The following BCAR1 variants were observed in gnomAD, a reference collection of about 807,000 sequenced individuals.
The protein encoded by BCAR1 is BCAR1 scaffold protein, Cas family member.
A neutral mutation model predicts 67.6 loss-of-function variants in BCAR1; 30 were observed. The ratio of observed to expected loss-of-function variants is 0.44; its 90% CI spans 0.33 to 0.60. The LOEUF (loss-of-function observed/expected upper bound fraction) is 0.60, where lower values mean the gene tolerates loss of function less well. BCAR1 is among the 20% of genes least tolerant of loss of function. The pLI is 0.02. For synonymous variants in BCAR1, 626 were observed against 556.7 expected (o/e 1.12, Z -1.75); for missense variants, 1,313 against 1,222.3 (o/e 1.07, Z -1.11).
intron 1 of BCAR1, 97 bp from the exon 2 acceptor site, chr16:75,243,187 T>G: frequency 1.6e-6 from 2 of 1,284,978 alleles, no homozygotes; most frequent in Non-Finnish European, 2.2e-6. Context: ...TGCCCAGCTT[T>G]GATACTAGGA....
At chr16:75,238,997 G>T (rs1197948744) in intron 2 of BCAR1, 1 of 985,292 alleles carries the variant, frequency 1.0e-6, no homozygotes, top group Non-Finnish European at 1.2e-6. Context: ...AACCTCACGC[G>T]GTGAGGCCCA....
chr16:75,251,666 C>G (rs2077684268), upstream of BCAR1: 1 of 997,154 alleles, frequency 1.0e-6, no homozygotes, highest in Non-Finnish European at 1.2e-6. Flanking sequence ...CGGCCCAGCC[C>G]GATCCCAGCA....
intron 6 of BCAR1, 146 bp from the exon 7 acceptor site, chr16:75,230,169 T>G: frequency 9.9e-7 from 1 of 1,011,466 alleles, no homozygotes; most frequent in Non-Finnish European, 1.4e-6. Context: ...CAGTCTCCTC[T>G]CCCGGGGACG....
intron 1 of BCAR1, among the ~76,000 whole-genome samples, chr16:75,258,978 A>G (rs879468644): frequency 6.0e-4 from 92 of 152,080 alleles, no homozygotes; most frequent in Non-Finnish European, 1.1e-3. Context: ...AGGAGGAGGG[A>G]CGCAGGTAGC....
chr16:75,235,671 A>G lies in BCAR1; in HGVS notation c.1228T>C (p.Tyr410His). ...CGTTCAGCTGGGGGAGGCACCGCAT[A>G]CACACCACTGTCGACCACGCCACCA... ...ADGGVVDSGV[Y>H]AVPPPAEREA... The change falls in exon 5 of 7, where the codon TAT (tyrosine) becomes CAT (histidine). Residue 410 changes from tyrosine (Y) to histidine (H), a missense_variant. Tyr to His is a moderately conservative substitution (Grantham distance 83). Coordinates refer to ENST00000162330, the MANE Select transcript of BCAR1 (RefSeq NM_014567.5). The G allele has an allele frequency of 1.2e-6, 2 of 1,611,688 alleles. No homozygotes were observed. The highest frequency in any genetic ancestry group is 1.7e-6 in the Non-Finnish European group (2 of 1,178,886).
intron 1 of BCAR1, among the ~76,000 whole-genome samples, chr16:75,261,658 C>T (rs963242024): frequency 2.0e-5 from 3 of 152,248 alleles, no homozygotes; most frequent in African/African-American, 7.2e-5. Context: ...AGACAAGGAC[C>T]TGACCATCCA....
upstream of BCAR1, among the ~76,000 whole-genome samples, chr16:75,254,290 C>T (rs867604998): frequency 9.9e-5 from 15 of 152,136 alleles, no homozygotes; most frequent in African/African-American, 3.6e-4. Context: ...GCCAAACACC[C>T]CTGTCACACT....
intron 1 of BCAR1, among the ~76,000 whole-genome samples, chr16:75,256,944 G>T (rs908369604): frequency 3.3e-5 from 5 of 152,196 alleles, no homozygotes; most frequent in African/African-American, 1.2e-4. Context: ...ACTCTGCCCC[G>T]CTGCTGACCA....
Position 75,243,096 on chromosome 16 carries a change from G to A in BCAR1, c.13-6C>T. 6.3e-7 allele frequency: 1 copy of A among 1,577,504 alleles called. No homozygotes were observed. The highest frequency in any genetic ancestry group is 1.2e-5 in the South Asian group (1 of 85,266). The stretch of plus-strand genomic sequence containing the variant: ...AGCGCTTTGGCCAGCACGTTCTGGG[G>A]AGAGAGGACACAGGTGTGAGAACAG... On this transcript the variant is annotated splice_polypyrimidine_tract_variant and splice_region_variant and intron_variant, in intron 1 of 6. Coordinates refer to ENST00000162330, the MANE Select transcript of BCAR1 (RefSeq NM_014567.5).
chr16:75,255,524 C>T (rs971268979), upstream of BCAR1, among the ~76,000 whole-genome samples: 56 of 152,000 alleles, frequency 3.7e-4, no homozygotes, highest in Admixed American at 9.2e-4. Flanking sequence ...GGCGAAACTC[C>T]GTCTCTACTA....
At chr16:75,240,462 A>G (rs752279449) in intron 2 of BCAR1, among the ~76,000 whole-genome samples, 9 of 152,368 alleles carry the variant, frequency 5.9e-5, no homozygotes, top group Non-Finnish European at 8.8e-5. Flanking sequence ...GCTCAGGGAC[A>G]AGCTTTAAGA....
In BCAR1 at chr16:75,238,656, C is replaced by T. The variant is rs578076451; in HGVS notation, c.634-1312G>A. ...TCCAGCACGCCTGGTAGCAGAGTCC[C>T]GGCTGGGGGCCTCCGTGGGGTGTCC... On this transcript the variant is annotated intron_variant, in intron 2 of 6. Coordinates refer to ENST00000162330, the MANE Select transcript of BCAR1 (RefSeq NM_014567.5). The T allele has an allele frequency of 3.9e-3, 3,814 of 985,966 alleles. 10 individuals are homozygous for T. The highest frequency in any genetic ancestry group is 4.2e-3 in the Non-Finnish European group (3,489 of 830,322). 61.1% of individuals were successfully genotyped at this position (985,966 alleles called of 1,614,324 possible).
chr16:75,248,529 T>C (rs562154933), intron 1 of BCAR1: 34 of 199,590 alleles, frequency 1.7e-4, no homozygotes, highest in Admixed American at 2.8e-4. Flanking sequence ...GAGGGGCACC[T>C]CCTCTTCCCT....
At chr16:75,237,789 A>T (rs1392412113) in intron 2 of BCAR1, among the ~76,000 whole-genome samples, 1 of 151,906 alleles carries the variant, frequency 6.6e-6, no homozygotes, top group Non-Finnish European at 1.5e-5. Flanking sequence ...TGCCCACACC[A>T]CCTAGCTGTA....
chr16:75,260,294 A>G (rs1231197908), intron 1 of BCAR1, among the ~76,000 whole-genome samples: 1 of 152,178 alleles, frequency 6.6e-6, no homozygotes, highest in East Asian at 1.9e-4. Context: ...TGATAGAGAC[A>G]TTTGTTATTT....
chr16:75,240,109 AC>A (rs2077287011), intron 2 of BCAR1, among the ~76,000 whole-genome samples: 1 of 152,072 alleles, frequency 6.6e-6, no homozygotes, highest in African/African-American at 2.4e-5. Context: ...CACCTTAGCA[AC>A]CACTGGACCC....
At chr16:75,241,506 A>T (rs1597219293) in intron 2 of BCAR1, among the ~76,000 whole-genome samples, 1 of 151,996 alleles carries the variant, frequency 6.6e-6, no homozygotes, top group Non-Finnish European at 1.5e-5. Context: ...GTTTGGGAGC[A>T]CCCCCACCCA....
chr16:75,231,551 T>A (rs149997640), intron 6 of BCAR1, among the ~76,000 whole-genome samples: 28 of 152,240 alleles, frequency 1.8e-4, no homozygotes, highest in Non-Finnish European at 7.3e-5. Flanking sequence ...TAAGTCTTCA[T>A]GGACTTGCAT....
Position 75,242,858 on chromosome 16 carries a change from G to A in BCAR1, c.245C>T (p.Pro82Leu), listed in dbSNP as rs1231249529. ...ATGGAGGCCAGGCTGAGGCTGGGCC[G>A]GGGTGGCGGGAGGGCCGGGGCCAGG... ...AGPGPGPPAT[P>L]AQPQPGLHAP... Residue 82 changes from proline (P) to leucine (L), a missense_variant, in exon 2 of 7, where the codon CCG (proline) becomes CTG (leucine). By Grantham distance (98) the Pro-to-Leu change is moderately conservative (BLOSUM62 -3). Transcript: ENST00000162330. 7.5e-6 allele frequency: 12 copies of A among 1,609,056 alleles called. No individual in the cohort carries two copies. Among genetic ancestry groups the A allele is most frequent in the African/African-American group, 2.7e-5 (2 of 74,898 alleles).
Sources: gnomAD v4.1 joint callset for allele counts (sites outside exome capture counted in the v4.1 genomes callset) on GRCh38, gnomAD v4.1.1 for gene constraint, MANE v1.5 for transcripts, NCBI Gene and HGNC (gene_info 2026-07-23, HGNC 2026-07-21) for gene names.